Variants in XXYLT1 observed in about 807,000 individuals in gnomAD.
XXYLT1 encodes xyloside xylosyltransferase 1.
In XXYLT1, 20 loss-of-function variants were observed where a neutral mutation model predicts 28.9. The observed-to-expected ratio is 0.69, with a 90% CI of 0.49 to 1.00. The LOEUF (loss-of-function observed/expected upper bound fraction) is 1.00. Among genes scored for constraint, XXYLT1 ranks in the 50% least tolerant of loss-of-function variants. The probability of loss-of-function intolerance (pLI) is 0.00; values close to 1 mark genes in which losing one functional copy is unlikely to be tolerated. For missense variants in XXYLT1, 542 were observed against 560.1 expected, an observed-to-expected ratio of 0.97 and a Z score of 0.33; for synonymous variants, 257 against 253.8, an observed-to-expected ratio of 1.01 and a Z score of -0.12.
At chr3:195,138,491 C>T (rs1468313160) in intron 3 of XXYLT1, among the ~76,000 whole-genome samples, 10 of 152,110 alleles carry the variant, frequency 6.6e-5, no homozygotes. Context: ...TGGGTGCAGG[C>T]GGCCCTCAGA....
intron 2 of XXYLT1, among the ~76,000 whole-genome samples, chr3:195,204,538 G>GGCCA (rs765018761): frequency 8.0e-5 from 12 of 150,416 alleles, no homozygotes; most frequent in East Asian, 5.9e-4. Context: ...CTGAACTGCT[G>GGCCA]GCCAGCCAGC....
intron 2 of XXYLT1, among the ~76,000 whole-genome samples, chr3:195,211,677 G>A (rs564196486): frequency 1.1e-4 from 17 of 152,318 alleles, no homozygotes; most frequent in East Asian, 5.8e-4. Context: ...ATGAGCAGAC[G>A]ATAAGAACTA....
intron 1 of XXYLT1, among the ~76,000 whole-genome samples, chr3:195,232,334 A>C (rs536986253): frequency 4.6e-5 from 7 of 152,118 alleles, no homozygotes; most frequent in Admixed American, 2.0e-4. Flanking sequence ...CCAAAAAAAA[A>C]CTTTTCATTT....
chr3:195,169,935 G>A (rs573616335), intron 2 of XXYLT1, among the ~76,000 whole-genome samples: 13 of 149,480 alleles, frequency 8.7e-5, no homozygotes, highest in Non-Finnish European at 1.6e-4. Context: ...GCACGATCTC[G>A]GCTCACCGCA....
intron 3 of XXYLT1, among the ~76,000 whole-genome samples, chr3:195,081,746 G>T (rs1461470410): frequency 6.6e-6 from 1 of 152,210 alleles, no homozygotes; most frequent in Non-Finnish European, 1.5e-5. Flanking sequence ...AAGCCACAAT[G>T]TCAAGTTCAG....
At chr3:195,201,801 AT>A (rs1472339085) in intron 2 of XXYLT1, among the ~76,000 whole-genome samples, 1 of 152,210 alleles carries the variant, frequency 6.6e-6, no homozygotes, top group African/African-American at 2.4e-5. Context: ...CCATGGTATT[AT>A]GATTAATTCC....
At chr3:195,264,044 T>A (rs1331097755) in intron 1 of XXYLT1, among the ~76,000 whole-genome samples, 1 of 152,076 alleles carries the variant, frequency 6.6e-6, no homozygotes, top group East Asian at 1.9e-4. Flanking sequence ...GCACACTAAC[T>A]CCTCCTTAAG....
chr3:195,134,826 G>GGTGTGTGTGTGT (rs3073321), intron 3 of XXYLT1, among the ~76,000 whole-genome samples: 2 of 145,482 alleles, frequency 1.4e-5, no homozygotes, highest in Non-Finnish European at 3.0e-5. Context: ...CGTGAAGAGG[G>GGTGTGTGTGTGT]GTGTGTGTGT....
At chr3:195,248,503 G>A (rs1725125564) in intron 1 of XXYLT1, among the ~76,000 whole-genome samples, 2 of 152,298 alleles carry the variant, frequency 1.3e-5, no homozygotes, top group Admixed American at 6.5e-5. Flanking sequence ...CACAAAAGAC[G>A]GGAGTTTCTC....
rs1192476941 is a variant in XXYLT1 at position 195,252,725 on chromosome 3, CACAGAG to C, written c.504+17824_504+17829del. On this transcript the variant is annotated intron_variant, in intron 1 of 3. Transcript: ENST00000310380. Reference sequence around the variant, plus strand: ...ACACACACACACACACACACACACACACAGAGAGAGAGAGAGAGAGAGAGAGAGAGA... The same window carrying C: ...ACACACACACACACACACACACACACAGAGAGAGAGAGAGAGAGAGAGAGA... Among the ~76,000 whole-genome samples, 33 of 129,130 alleles carry C rather than the reference CACAGAG, an allele frequency of 2.6e-4. 1 individual carries two copies. Among genetic ancestry groups the C allele is most frequent in the African/African-American group, 9.9e-4 (30 of 30,442 alleles). The allele number at this position is 129,130 out of a possible 152,430, so 84.7% of individuals were successfully genotyped here.
At chr3:195,270,505 T>C (rs1342832862) in intron 1 of XXYLT1, 50 bp downstream of exon 1, 4 of 1,356,194 alleles carry the variant, frequency 2.9e-6, no homozygotes, top group African/African-American at 3.1e-5. Flanking sequence ...TGACCTCGCC[T>C]AGGATGGGGT....
chr3:195,130,179 GGT>G (rs1021418298), intron 3 of XXYLT1, among the ~76,000 whole-genome samples: 27 of 152,222 alleles, frequency 1.8e-4, no homozygotes, highest in Admixed American at 1.6e-3. Context: ...AGGATTTCCT[GGT>G]AGATCTGTGG....
intron 2 of XXYLT1, among the ~76,000 whole-genome samples, chr3:195,193,035 T>G (rs943249776): frequency 6.6e-6 from 1 of 152,074 alleles, no homozygotes; most frequent in African/African-American, 2.4e-5. Flanking sequence ...CCTGTAATCC[T>G]AGCACTTTAG....
chr3:195,265,768 G>A (rs185146266), intron 1 of XXYLT1, among the ~76,000 whole-genome samples: 3 of 152,292 alleles, frequency 2.0e-5, no homozygotes, highest in African/African-American at 2.4e-5. Context: ...CCCCAGCCCC[G>A]GCAGCCATCC....
chr3:195,082,714 T>C (rs1577003617), intron 3 of XXYLT1, among the ~76,000 whole-genome samples: 3 of 152,096 alleles, frequency 2.0e-5, no homozygotes, highest in African/African-American at 7.2e-5. Flanking sequence ...CCGGGTGTGG[T>C]GGCGCGTGCC....
intron 2 of XXYLT1, among the ~76,000 whole-genome samples, chr3:195,206,425 A>G (rs1024524759): frequency 5.3e-5 from 8 of 151,066 alleles, no homozygotes; most frequent in Non-Finnish European, 8.8e-5. Context: ...TAAGGTGATT[A>G]TTTATTGTTA....
intron 2 of XXYLT1, among the ~76,000 whole-genome samples, chr3:195,178,071 A>G (rs1011212760): frequency 2.6e-5 from 4 of 152,122 alleles, no homozygotes; most frequent in Admixed American, 6.5e-5. Context: ...TGTATTAAAC[A>G]TTTGATCTTG....
intron 2 of XXYLT1, among the ~76,000 whole-genome samples, chr3:195,167,681 A>C (rs1721197114): frequency 6.6e-6 from 1 of 152,160 alleles, no homozygotes; most frequent in African/African-American, 2.4e-5. Context: ...ATTCTACTCC[A>C]CTGTGTTGAC....
At chr3:195,075,003 G>A (rs1715033537) in intron 3 of XXYLT1, among the ~76,000 whole-genome samples, 1 of 152,192 alleles carries the variant, frequency 6.6e-6, no homozygotes, top group Non-Finnish European at 1.5e-5. Flanking sequence ...TGTAATCCCA[G>A]CACTTTGGGA....
Sources: allele counts gnomAD v4.1 joint callset (sites outside exome capture counted in the v4.1 genomes callset), GRCh38; gene constraint gnomAD v4.1.1; transcripts MANE v1.5; gene names NCBI Gene and HGNC (gene_info 2026-07-23, HGNC 2026-07-21).